ARB2A: variants seen among roughly 807,000 people sequenced by gnomAD.
The protein encoded by ARB2A is ARB2 cotranscriptional regulator A, also known as cotranscriptional regulator ARB2A.
the ARB2A span, among the ~76,000 whole-genome samples, chr5:93,890,685 A>G: frequency 6.6e-6 from 1 of 152,052 alleles, no homozygotes; most frequent in African/African-American, 2.4e-5. Context: ...AGCCATGCAT[A>G]GTTCTAAGCC....
At chr5:93,619,375 T>TATA in the ARB2A span, 2 of 152,232 alleles carry the variant, frequency 1.3e-5, no homozygotes, top group African/African-American at 2.4e-5. Flanking sequence ...TCATTAAGAC[T>TATA]ATAGAACCAA....
chr5:93,787,344 A>G, the ARB2A span, among the ~76,000 whole-genome samples: 2 of 152,198 alleles, frequency 1.3e-5, no homozygotes, highest in African/African-American at 4.8e-5. Flanking sequence ...AAATTTTGAT[A>G]CCTCGGACAT....
At chr5:93,766,545 G>T in the ARB2A span, among the ~76,000 whole-genome samples, 1 of 152,176 alleles carries the variant, frequency 6.6e-6, no homozygotes, top group African/African-American at 2.4e-5. Flanking sequence ...AACAACAGGT[G>T]CTGGAGAGGA....
At chr5:93,879,687 G>C in the ARB2A span, among the ~76,000 whole-genome samples, 3 of 151,664 alleles carry the variant, frequency 2.0e-5, no homozygotes, top group Non-Finnish European at 4.4e-5. Context: ...AAAAAGCAAA[G>C]CAATGGTGAC....
At chr5:93,922,641 A>C in the ARB2A span, among the ~76,000 whole-genome samples, 6 of 57,238 alleles carry the variant, frequency 1.0e-4, no homozygotes, top group African/African-American at 4.3e-4. Context: ...AAAGAAAGAA[A>C]GGGAGGGAGG....
At chr5:93,880,921 CTCTA>C in the ARB2A span, among the ~76,000 whole-genome samples, 1 of 151,712 alleles carries the variant, frequency 6.6e-6, no homozygotes, top group Non-Finnish European at 1.5e-5. Context: ...CTCTTCCTCC[CTCTA>C]TCTGCCTTTA....
At chr5:93,865,467 T>C in the ARB2A span, 20 of 985,182 alleles carry the variant, frequency 2.0e-5, no homozygotes, top group Non-Finnish European at 2.3e-5. Flanking sequence ...ACATGGTACA[T>C]AATCGATGAA....
At chr5:93,876,213 A>C in the ARB2A span, among the ~76,000 whole-genome samples, 1 of 152,154 alleles carries the variant, frequency 6.6e-6, no homozygotes, top group Non-Finnish European at 1.5e-5. Context: ...AAAGAAACTA[A>C]ATTTATAGGA....
the ARB2A span, among the ~76,000 whole-genome samples, chr5:93,828,841 A>G: frequency 6.6e-6 from 1 of 152,102 alleles, no homozygotes; most frequent in Non-Finnish European, 1.5e-5. Context: ...TGGTGGCGCA[A>G]TCTTGGCTCA....
the ARB2A span, chr5:93,741,347 G>A: frequency 1.9e-6 from 3 of 1,611,208 alleles, no homozygotes; most frequent in African/African-American, 2.7e-5. Context: ...ATCCAGCCCC[G>A]GAATTCGTGT....
At chr5:93,798,178 A>G in the ARB2A span, among the ~76,000 whole-genome samples, 1 of 152,114 alleles carries the variant, frequency 6.6e-6, no homozygotes, top group South Asian at 2.1e-4. Flanking sequence ...ATAAGAACCC[A>G]ACCTGCCACT....
chr5:94,026,140 G>A, the ARB2A span, among the ~76,000 whole-genome samples: 1 of 152,108 alleles, frequency 6.6e-6, no homozygotes, highest in African/African-American at 2.4e-5. Context: ...GTTACAGCAT[G>A]CTAATTAGCT....
the ARB2A span, chr5:93,741,050 G>A: frequency 9.5e-5 from 154 of 1,613,800 alleles, no homozygotes; most frequent in Non-Finnish European, 1.6e-5. Context: ...GCGACGCTTA[G>A]CTGCTGGGCC....
chr5:94,055,926 A>G, the ARB2A span: 4 of 984,710 alleles, frequency 4.1e-6, no homozygotes, highest in South Asian at 4.7e-5. Context: ...CCTTACATCT[A>G]TATATCACTT....
chr5:93,913,133 G>T, the ARB2A span, among the ~76,000 whole-genome samples: 1 of 151,756 alleles, frequency 6.6e-6, no homozygotes, highest in Non-Finnish European at 1.5e-5. Context: ...TAAGGCTGGT[G>T]AGAGCAGATG....
the ARB2A span, among the ~76,000 whole-genome samples, chr5:93,929,287 T>C: frequency 6.6e-6 from 1 of 152,182 alleles, no homozygotes; most frequent in African/African-American, 2.4e-5. Context: ...TCCTGAATTA[T>C]AGCCTAGAAC....
At chr5:93,905,651 T>C in the ARB2A span, among the ~76,000 whole-genome samples, 258 of 151,710 alleles carry the variant, frequency 1.7e-3, no homozygotes, top group Non-Finnish European at 2.5e-3. Context: ...TCTGTTTGCA[T>C]ACAAGGGGTT....
the ARB2A span, among the ~76,000 whole-genome samples, chr5:93,992,290 G>T: frequency 6.6e-6 from 1 of 152,020 alleles, no homozygotes; most frequent in Admixed American, 6.6e-5. Flanking sequence ...TAAAGAAAAT[G>T]ATTCCAGATG....
At chr5:93,806,882 A>C in the ARB2A span, among the ~76,000 whole-genome samples, 2 of 151,970 alleles carry the variant, frequency 1.3e-5, no homozygotes, top group African/African-American at 4.8e-5. Context: ...CTGTTAAAAA[A>C]CAGTATACAC....
Sources: gnomAD v4.1 joint callset for allele counts (sites outside exome capture counted in the v4.1 genomes callset) on GRCh38, gnomAD v4.1.1 for gene constraint, MANE v1.5 for transcripts, NCBI Gene and HGNC (gene_info 2026-07-23, HGNC 2026-07-21) for gene names.